WIPF1: variants seen among roughly 807,000 people sequenced by gnomAD.
The protein encoded by WIPF1 is WAS/WASL-interacting protein family member 1.
A neutral mutation model predicts 35.4 loss-of-function variants in WIPF1; 13 were observed. The observed-to-expected ratio is 0.37, with a 90% CI of 0.24 to 0.58. The LOEUF is 0.58. WIPF1 is among the 20% of genes least tolerant of loss of function. WIPF1 has a pLI of 0.74. For missense variants in WIPF1, 591 were observed against 667.0 expected (o/e 0.89, Z 1.25); for synonymous variants, 267 against 266.3 (o/e 1.00, Z -0.02).
chr2:174,682,768 C>G (rs1574878292), intron 1 of WIPF1: 2 of 151,758 alleles, frequency 1.3e-5, no homozygotes, highest in East Asian at 3.9e-4. Flanking sequence ...GCGACGCGTC[C>G]CTTACCGCGC....
chr2:174,604,087 C>T (rs1030545024), intron 1 of WIPF1, among the ~76,000 whole-genome samples: 1 of 152,112 alleles, frequency 6.6e-6, no homozygotes, highest in African/African-American at 2.4e-5. Flanking sequence ...GACAGTAGCA[C>T]AGGTATAGAA....
chr2:174,574,951 AG>A, intron 4 of WIPF1: 2 of 657,972 alleles, frequency 3.0e-6, no homozygotes, highest in Admixed American at 4.6e-5. Flanking sequence ...CCTTTAGAAA[AG>A]TAAAAAAAAA....
intron 7 of WIPF1, chr2:174,566,321 CCTTT>C (rs1684658926): frequency 6.6e-6 from 1 of 152,188 alleles, no homozygotes; most frequent in Admixed American, 6.5e-5. Context: ...GTCTATTTTT[CCTTT>C]CTTGTTGACA....
intron 1 of WIPF1, among the ~76,000 whole-genome samples, chr2:174,637,774 G>C (rs561045731): frequency 1.3e-5 from 2 of 152,172 alleles, no homozygotes; most frequent in Admixed American, 6.5e-5. Flanking sequence ...GCGATGGAGC[G>C]AGACTCCGTC....
chr2:174,647,236 T>C (rs1687429766), intron 1 of WIPF1, among the ~76,000 whole-genome samples: 1 of 151,658 alleles, frequency 6.6e-6, no homozygotes, highest in Non-Finnish European at 1.5e-5. Flanking sequence ...TAATTAGCCA[T>C]GCACAGTGTC....
chr2:174,568,540 C>T (rs1684737439), intron 5 of WIPF1: 1 of 154,684 alleles, frequency 6.5e-6, no homozygotes, highest in Non-Finnish European at 1.4e-5. Context: ...TTGTTAATTA[C>T]AGAAGCATGT....
At chr2:174,593,604 T>G (rs1479294172) in intron 1 of WIPF1, among the ~76,000 whole-genome samples, 1 of 152,216 alleles carries the variant, frequency 6.6e-6, no homozygotes, top group African/African-American at 2.4e-5. Context: ...CCATTAGAAC[T>G]AATTAAGATG....
At chr2:174,619,947 A>G (rs996837727) in intron 1 of WIPF1, among the ~76,000 whole-genome samples, 6 of 151,860 alleles carry the variant, frequency 4.0e-5, no homozygotes, top group Admixed American at 3.9e-4. Context: ...GTCTCAAGAA[A>G]AAAAAAAAAA....
chr2:174,669,733 G>A (rs1180261767), intron 1 of WIPF1, among the ~76,000 whole-genome samples: 3 of 152,110 alleles, frequency 2.0e-5, no homozygotes, highest in African/African-American at 4.8e-5. Flanking sequence ...AATGTTAGTC[G>A]AGCATGGAGG....
At chr2:174,624,455 C>T (rs1241564645) in intron 1 of WIPF1, among the ~76,000 whole-genome samples, 2 of 152,158 alleles carry the variant, frequency 1.3e-5, no homozygotes, top group African/African-American at 4.8e-5. Flanking sequence ...TATCGACAGG[C>T]CCCTATCAGA....
At chr2:174,644,581 T>C (rs1469434440) in intron 1 of WIPF1, among the ~76,000 whole-genome samples, 3 of 152,162 alleles carry the variant, frequency 2.0e-5, no homozygotes, top group Non-Finnish European at 4.4e-5. Flanking sequence ...TCTTGAGACA[T>C]GCAGGCAATC....
At chr2:174,617,300 T>C (rs1686535585) in intron 1 of WIPF1, among the ~76,000 whole-genome samples, 1 of 152,200 alleles carries the variant, frequency 6.6e-6, no homozygotes, top group South Asian at 2.1e-4. Context: ...TGGGCTGCTC[T>C]GGAAAAACAC....
intron 2 of WIPF1, 116 bp from the exon 3 acceptor site, chr2:174,581,555 G>C: frequency 7.3e-7 from 1 of 1,369,942 alleles, no homozygotes; most frequent in Non-Finnish European, 9.8e-7. Flanking sequence ...TTGGTGATAG[G>C]TTGTAAATTC....
intron 1 of WIPF1, among the ~76,000 whole-genome samples, chr2:174,674,907 C>T (rs1474732383): frequency 9.5e-6 from 1 of 105,072 alleles, no homozygotes; most frequent in African/African-American, 5.0e-5. Context: ...TTCAAATACA[C>T]ACACACACAC....
chr2:174,585,843 G>A (rs986158506), intron 1 of WIPF1, among the ~76,000 whole-genome samples: 5 of 152,136 alleles, frequency 3.3e-5, no homozygotes, highest in Admixed American at 2.0e-4. Context: ...TGCCTTACTC[G>A]GCTCCATTCC....
intron 1 of WIPF1, among the ~76,000 whole-genome samples, chr2:174,648,259 T>C (rs750675697): frequency 6.6e-6 from 1 of 152,208 alleles, no homozygotes; most frequent in African/African-American, 2.4e-5. Flanking sequence ...AGAAATAAGG[T>C]TGGTGCTCTG....
At chr2:174,673,461 G>A (rs1688063730) in intron 1 of WIPF1, 1 of 152,246 alleles carries the variant, frequency 6.6e-6, no homozygotes, top group Non-Finnish European at 1.5e-5. Flanking sequence ...AGCCCCCATG[G>A]ACCTCTGGGT....
At chr2:174,621,212 G>C (rs551972487) in intron 1 of WIPF1, among the ~76,000 whole-genome samples, 2 of 152,224 alleles carry the variant, frequency 1.3e-5, no homozygotes, top group Admixed American at 1.3e-4. Flanking sequence ...AAATATGAAA[G>C]AGGAGATGAG....
intron 1 of WIPF1, among the ~76,000 whole-genome samples, chr2:174,613,931 C>T (rs1686429781): frequency 1.3e-5 from 2 of 152,082 alleles, no homozygotes; most frequent in Admixed American, 1.3e-4. Flanking sequence ...ATTTGAGTCT[C>T]CATTTATGTC....
Sources: allele counts gnomAD v4.1 joint callset (sites outside exome capture counted in the v4.1 genomes callset), GRCh38; gene constraint gnomAD v4.1.1; transcripts MANE v1.5; gene names NCBI Gene and HGNC (gene_info 2026-07-23, HGNC 2026-07-21).